Variants in THSD7A observed in about 807,000 individuals in gnomAD.
THSD7A encodes thrombospondin type-1 domain-containing protein 7A.
In THSD7A, 96 loss-of-function variants were observed where a neutral mutation model predicts 231.3. That is an observed-to-expected ratio of 0.41 (90% CI 0.35 to 0.49). The LOEUF is 0.49. Among genes scored for constraint, THSD7A ranks in the 20% least tolerant of loss-of-function variants. The pLI is 0.05. For missense variants in THSD7A, 2,290 were observed against 2,070.2 expected (o/e 1.11, Z -2.06); for synonymous variants, 940 against 743.3 (o/e 1.26, Z -4.30).
At chr7:11,608,435 A>G (rs867933759) in intron 2 of THSD7A, among the ~76,000 whole-genome samples, 27 of 152,142 alleles carry the variant, frequency 1.8e-4, no homozygotes, top group African/African-American at 6.5e-4. Flanking sequence ...TAACACTAAC[A>G]TATCTGCAAT....
intron 1 of THSD7A, among the ~76,000 whole-genome samples, chr7:11,692,182 T>C (rs754673948): frequency 7.3e-5 from 11 of 151,412 alleles, no homozygotes; most frequent in East Asian, 2.0e-4. Context: ...AGTAGAAATA[T>C]TGTCTACAAA....
At chr7:11,717,499 A>C (rs914881800) in intron 1 of THSD7A, among the ~76,000 whole-genome samples, 1 of 151,656 alleles carries the variant, frequency 6.6e-6, no homozygotes, top group African/African-American at 2.4e-5. Context: ...TAAATTTAAG[A>C]CAAGGAGTGG....
rs78728011 is a variant in THSD7A, at chr7:11,572,863, G to T, written c.1453+17597C>A. On this transcript the variant is annotated intron_variant, in intron 4 of 27. Transcript: ENST00000423059. The stretch of plus-strand genomic sequence containing the variant: ...TGCCTTTTTCCCTCCGTCAATAATG[G>T]GTCTTTTTCTTCTCCTTTTTTCATG... 5.2e-3 allele frequency among the ~76,000 whole-genome samples: 784 copies of T among 151,840 alleles called. 3 individuals are homozygous for T. Among genetic ancestry groups the T allele is most frequent in the Middle Eastern group, 0.017 (5 of 294 alleles).
intron 1 of THSD7A, among the ~76,000 whole-genome samples, chr7:11,691,334 T>C (rs893133889): frequency 6.6e-6 from 1 of 151,388 alleles, no homozygotes; most frequent in African/African-American, 2.4e-5. Flanking sequence ...TTGTAATAGG[T>C]ATTATCAAAG....
At chr7:11,508,971 T>C (rs1787676708) in intron 6 of THSD7A, among the ~76,000 whole-genome samples, 1 of 152,202 alleles carries the variant, frequency 6.6e-6, no homozygotes. Context: ...CAACAAATTG[T>C]TCAGTGAAGC....
At chr7:11,604,527 A>C (rs1266414353) in intron 2 of THSD7A, among the ~76,000 whole-genome samples, 1 of 151,748 alleles carries the variant, frequency 6.6e-6, no homozygotes, top group African/African-American at 2.4e-5. Context: ...TTAACATCAC[A>C]ATTTTTAAAA....
At chr7:11,457,838 A>G (rs1331169574) in intron 11 of THSD7A, among the ~76,000 whole-genome samples, 1 of 152,060 alleles carries the variant, frequency 6.6e-6, no homozygotes, top group African/African-American at 2.4e-5. Context: ...TACTTCTTCT[A>G]ATATTATGGT....
At chr7:11,784,504 G>A (rs779275835) in intron 1 of THSD7A, among the ~76,000 whole-genome samples, 4 of 150,320 alleles carry the variant, frequency 2.7e-5, no homozygotes, top group East Asian at 1.9e-4. Context: ...TAATTTCTTC[G>A]TCTTCTTCCA....
intron 7 of THSD7A, among the ~76,000 whole-genome samples, chr7:11,476,740 G>A (rs560519575): frequency 2.6e-4 from 39 of 151,498 alleles, no homozygotes; most frequent in South Asian, 2.1e-3. Context: ...GCTTGAGCCT[G>A]GGAGGTGGAG....
intron 27 of THSD7A, among the ~76,000 whole-genome samples, chr7:11,376,084 G>T (rs945764147): frequency 6.6e-6 from 1 of 152,002 alleles, no homozygotes; most frequent in African/African-American, 2.4e-5. Flanking sequence ...TAAACTTCAA[G>T]TGTTTCACTA....
chr7:11,507,525 T>C (rs562215211), intron 6 of THSD7A, among the ~76,000 whole-genome samples: 2 of 152,032 alleles, frequency 1.3e-5, no homozygotes, highest in African/African-American at 2.4e-5. Flanking sequence ...AATATTATCC[T>C]TATTTAGGAT....
At chr7:11,467,049 G>A (rs1166579688) in intron 9 of THSD7A, among the ~76,000 whole-genome samples, 2 of 151,922 alleles carry the variant, frequency 1.3e-5, no homozygotes, top group Non-Finnish European at 2.9e-5. Flanking sequence ...CCCTTCTACC[G>A]CTGCGCCCAC....
At chr7:11,701,047 C>T (rs928544880) in intron 1 of THSD7A, among the ~76,000 whole-genome samples, 1 of 151,310 alleles carries the variant, frequency 6.6e-6, no homozygotes, top group East Asian at 2.0e-4. Context: ...ATTCCGACTA[C>T]TTTTAAAAAT....
At chr7:11,740,702 C>T (rs1336165080) in intron 1 of THSD7A, among the ~76,000 whole-genome samples, 1 of 151,858 alleles carries the variant, frequency 6.6e-6, no homozygotes. Flanking sequence ...ATACCTTCTC[C>T]CAAACATTTT....
chr7:11,595,045 A>T (rs938254422), intron 2 of THSD7A, among the ~76,000 whole-genome samples: 4 of 152,206 alleles, frequency 2.6e-5, no homozygotes. Flanking sequence ...CCACTCCCCA[A>T]CCCATGCTGC....
intron 1 of THSD7A, among the ~76,000 whole-genome samples, chr7:11,704,138 A>AAG (rs1416861695): frequency 6.6e-6 from 1 of 151,072 alleles, no homozygotes; most frequent in Non-Finnish European, 1.5e-5. Context: ...AAGTGGGAAA[A>AAG]AGATAGTTTC....
chr7:11,769,153 A>ATATATATATT lies in THSD7A; in HGVS notation c.190+62603_190+62604insAATATATATA. Among the ~76,000 whole-genome samples, 34 of 27,640 alleles carry ATATATATATT rather than the reference A, an allele frequency of 1.2e-3. 1 individual carries two copies. The highest frequency in any genetic ancestry group is 2.0e-3 in the African/African-American group (16 of 8,118). 18.1% of individuals were successfully genotyped at this position (27,640 alleles called of 152,430 possible). On this transcript the variant is annotated intron_variant, in intron 1 of 27. Transcript: ENST00000423059. The stretch of plus-strand genomic sequence containing the variant: ...TATATATATATATATATATATATAT[A>ATATATATATT]TTTTTTTTTTTTTTTGGTATTTTTG...
intron 6 of THSD7A, among the ~76,000 whole-genome samples, chr7:11,541,158 A>G (rs984283225): frequency 1.3e-5 from 2 of 152,164 alleles, no homozygotes; most frequent in Non-Finnish European, 2.9e-5. Context: ...TGATAATTCA[A>G]TTCTTATGTT....
chr7:11,598,108 G>A (rs942081187), intron 2 of THSD7A, among the ~76,000 whole-genome samples: 8 of 152,172 alleles, frequency 5.3e-5, no homozygotes, highest in Admixed American at 1.3e-4. Context: ...GCAGAACTTC[G>A]AGCAGTGCAC....
Sources: allele counts gnomAD v4.1 joint callset (sites outside exome capture counted in the v4.1 genomes callset), GRCh38; gene constraint gnomAD v4.1.1; transcripts MANE v1.5; gene names NCBI Gene and HGNC (gene_info 2026-07-23, HGNC 2026-07-21).